SLC35A3: variants seen among roughly 807,000 people sequenced by gnomAD.
SLC35A3 encodes the protein solute carrier family 35 member A3.
A neutral mutation model predicts 39.0 loss-of-function variants in SLC35A3; 26 were observed. The observed-to-expected ratio is 0.67, with a 90% CI of 0.49 to 0.92. The LOEUF is 0.92. Among genes scored for constraint, SLC35A3 ranks in the 40% least tolerant of loss-of-function variants. The pLI, the probability that SLC35A3 is intolerant of heterozygous loss-of-function variation, is 0.00. For missense variants in SLC35A3, 299 were observed against 371.6 expected (o/e 0.80, Z 1.61); for synonymous variants, 135 against 133.1 (o/e 1.01, Z -0.10).
Position 100,026,032 on chromosome 1 carries a change from C to T in SLC35A3, c.*3556C>T, listed in dbSNP as rs1450820271. On this transcript the variant is annotated 3_prime_UTR_variant, in exon 8 of 8. Coordinates refer to ENST00000533028, the MANE Select transcript of SLC35A3 (RefSeq NM_012243.3). ...TAGAGATGCAAAACTTAAATGTTTACATCAATTTATATTGAATGTCACATA... is the reference window on the plus strand; with the variant it reads ...TAGAGATGCAAAACTTAAATGTTTATATCAATTTATATTGAATGTCACATA... 6.6e-6 allele frequency: 1 copy of T among 152,050 alleles called. No individual in the cohort carries two copies. Among genetic ancestry groups the T allele is most frequent in the East Asian group, 1.9e-4 (1 of 5,206 alleles). 9.4% of individuals were successfully genotyped at this position (152,050 alleles called of 1,614,324 possible). A position where few individuals can be genotyped will look rare whatever the true frequency, so the allele number is the denominator to read the frequency against.
At chr1:100,015,555 G>A in intron 6 of SLC35A3, 135 bp downstream of exon 6, 1 of 964,666 alleles carries the variant, frequency 1.0e-6, no homozygotes, top group Admixed American at 3.8e-5. Context: ...GTTTATTCAA[G>A]GAAGTGAAAA....
chr1:100,008,239 C>G (rs1056072738), intron 4 of SLC35A3: 2 of 152,234 alleles, frequency 1.3e-5, no homozygotes, highest in African/African-American at 2.4e-5. Context: ...GCGCGAGCCA[C>G]TGTACCCAGC....
At chr1:99,986,310 A>G (rs1293279157) in intron 1 of SLC35A3, among the ~76,000 whole-genome samples, 10 of 151,950 alleles carry the variant, frequency 6.6e-5, no homozygotes, top group African/African-American at 2.2e-4. Flanking sequence ...GACTACAAGC[A>G]TGCACCACCA....
At chr1:100,003,126 T>G (rs1421295709) in intron 3 of SLC35A3, among the ~76,000 whole-genome samples, 1 of 151,952 alleles carries the variant, frequency 6.6e-6, no homozygotes, top group African/African-American at 2.4e-5. Context: ...TTTTAAGAAA[T>G]TTTTCTAGGC....
chr1:100,034,008 A>G lies in SLC35A3; in HGVS notation c.*11532A>G, dbSNP rs1009047414. 1 of 152,154 alleles carries G rather than the reference A, an allele frequency of 6.6e-6. No homozygotes were observed. Among genetic ancestry groups the G allele is most frequent in the Non-Finnish European group, 1.5e-5 (1 of 68,024 alleles). 9.4% of individuals were successfully genotyped at this position (152,154 alleles called of 1,614,324 possible). A position where few individuals can be genotyped will look rare whatever the true frequency, so the allele number is the denominator to read the frequency against. ...TCTGGAGCCTAGATACTTAAAGTAC[A>G]CCTTGGCCATGTAGAAAATCCTTGA... is the stretch of plus-strand genomic sequence containing the variant. On this transcript the variant is annotated 3_prime_UTR_variant, in exon 8 of 8. Coordinates refer to ENST00000533028, the MANE Select transcript of SLC35A3 (RefSeq NM_012243.3).
chr1:100,004,276 GGC>G (rs772058228), intron 3 of SLC35A3, among the ~76,000 whole-genome samples: 10 of 152,108 alleles, frequency 6.6e-5, no homozygotes, highest in Admixed American at 2.6e-4. Flanking sequence ...GGTAGATACT[GGC>G]TTTCAAGTGC....
chr1:100,035,023 CTGAGA>C lies in SLC35A3; in HGVS notation c.*12549_*12553del, dbSNP rs1661423955. ...GTTGATCCTAACCAAAAAACCCTAA[CTGAGA>C]TATCAGTCTCTTAGCGCAAAGTTTG... On this transcript the variant is annotated 3_prime_UTR_variant, in exon 8 of 8. Transcript: ENST00000533028. 1 of 152,150 alleles carries C rather than the reference CTGAGA, an allele frequency of 6.6e-6. No homozygotes were observed. Among genetic ancestry groups the C allele is most frequent in the Non-Finnish European group, 1.5e-5 (1 of 68,018 alleles). 9.4% of individuals were successfully genotyped at this position (152,150 alleles called of 1,614,324 possible).
chr1:100,002,408 C>G (rs1256605451), intron 3 of SLC35A3, among the ~76,000 whole-genome samples: 2 of 152,118 alleles, frequency 1.3e-5, no homozygotes, highest in Non-Finnish European at 2.9e-5. Context: ...ATAATAGTCT[C>G]TAATGATCCT....
In SLC35A3 at chr1:100,015,208, A is replaced by G. The variant is rs191230445; in HGVS notation, c.635-94A>G. ...TAATCTAATTTTATCAAAAAGAAAA[A>G]GTTAAGTGTAAAATTATTTGGAATG... On this transcript the variant is annotated intron_variant, in intron 5 of 7. Transcript: ENST00000533028. The G allele has an allele frequency of 3.8e-5, 42 of 1,110,018 alleles. 1 individual carries two copies. The highest frequency in any genetic ancestry group is 6.3e-4 in the Middle Eastern group (2 of 3,166). 68.8% of individuals were successfully genotyped at this position (1,110,018 alleles called of 1,614,324 possible).
At position 100,024,793 on chromosome 1, in the gene SLC35A3, A is replaced by G. The variant is rs182210201; in HGVS notation, c.*2317A>G. Reference sequence around the variant, plus strand: ...CCACTGCGCCCGGCCTATACTGTATATATTTTTAAAGACTGTTCTAATAGA... The same window carrying G: ...CCACTGCGCCCGGCCTATACTGTATGTATTTTTAAAGACTGTTCTAATAGA... On this transcript the variant is annotated 3_prime_UTR_variant, in exon 8 of 8. Coordinates refer to ENST00000533028, the MANE Select transcript of SLC35A3 (RefSeq NM_012243.3). 2.5e-6 allele frequency: 1 copy of G among 395,194 alleles called. No individual in the cohort carries two copies. Among genetic ancestry groups the G allele is most frequent in the East Asian group, 3.6e-5 (1 of 27,776 alleles). The allele number at this position is 395,194 out of a possible 1,614,324, so 24.5% of individuals were successfully genotyped here. A position where few individuals can be genotyped will look rare whatever the true frequency, so the allele number is the denominator to read the frequency against.
At chr1:100,017,640 T>C in intron 6 of SLC35A3, 42 bp from the exon 7 acceptor site, 1 of 1,367,222 alleles carries the variant, frequency 7.3e-7, no homozygotes, top group East Asian at 2.7e-5. Context: ...TGAAATGCAG[T>C]TTTACATGTG....
At chr1:100,012,196 A>G (rs946470053) in intron 5 of SLC35A3, among the ~76,000 whole-genome samples, 2 of 152,070 alleles carry the variant, frequency 1.3e-5, no homozygotes, top group Non-Finnish European at 2.9e-5. Context: ...AGGCAGGACA[A>G]TTGCTTGAAC....
intron 3 of SLC35A3, among the ~76,000 whole-genome samples, chr1:100,004,524 A>G (rs933948321): frequency 6.6e-6 from 1 of 150,916 alleles, no homozygotes; most frequent in African/African-American, 2.4e-5. Context: ...CTGGTCTTAA[A>G]CTCCTGAGCT....
chr1:99,974,564 A>T (rs1657003170), intron 1 of SLC35A3, among the ~76,000 whole-genome samples: 1 of 152,160 alleles, frequency 6.6e-6, no homozygotes, highest in South Asian at 2.1e-4. Flanking sequence ...TCCTGGCCTC[A>T]AGCGATCCTC....
chr1:100,019,381 T>C (rs999015552), intron 7 of SLC35A3, among the ~76,000 whole-genome samples: 1 of 149,150 alleles, frequency 6.7e-6, no homozygotes, highest in Non-Finnish European at 1.5e-5. Flanking sequence ...ACTGCCATTA[T>C]TGAATGAATG....
rs779000135 is a variant in SLC35A3 at position 100,031,481 on chromosome 1, T to C, written c.*9005T>C. On this transcript the variant is annotated 3_prime_UTR_variant, in exon 8 of 8. Coordinates refer to ENST00000533028, the MANE Select transcript of SLC35A3 (RefSeq NM_012243.3). ...CACTTCATCTAAGTTCAAATTCAAATACAATTGCCCCTCTGTAAACGTGGG... is the reference window on the plus strand; with the variant it reads ...CACTTCATCTAAGTTCAAATTCAAACACAATTGCCCCTCTGTAAACGTGGG... The C allele has an allele frequency of 1.3e-5, 2 of 152,116 alleles. No individual in the cohort carries two copies. Among genetic ancestry groups the C allele is most frequent in the Non-Finnish European group, 2.9e-5 (2 of 68,020 alleles). 9.4% of individuals were successfully genotyped at this position (152,116 alleles called of 1,614,324 possible). A position where few individuals can be genotyped will look rare whatever the true frequency, so the allele number is the denominator to read the frequency against.
chr1:100,026,446 T>C lies in SLC35A3; in HGVS notation c.*3970T>C, dbSNP rs1660915789. 1 of 152,206 alleles carries C rather than the reference T, an allele frequency of 6.6e-6. No individual in the cohort carries two copies. The highest frequency in any genetic ancestry group is 1.5e-5 in the Non-Finnish European group (1 of 68,012). The allele number at this position is 152,206 out of a possible 1,614,324, so 9.4% of individuals were successfully genotyped here. On this transcript the variant is annotated 3_prime_UTR_variant, in exon 8 of 8. Transcript: ENST00000533028. The stretch of plus-strand genomic sequence containing the variant: ...GCCTTGCTTTACCAAATACCTGATT[T>C]TTCTGGAGGGTGTTCCTGTAATTCA...
In SLC35A3 at chr1:100,023,369, A is replaced by G. The variant is rs1660682617; in HGVS notation, c.*893A>G. 6.6e-6 allele frequency: 1 copy of G among 152,174 alleles called. No homozygotes were observed. The highest frequency in any genetic ancestry group is 2.1e-4 in the South Asian group (1 of 4,836). The allele number at this position is 152,174 out of a possible 1,614,324, so 9.4% of individuals were successfully genotyped here. A position where few individuals can be genotyped will look rare whatever the true frequency, so the allele number is the denominator to read the frequency against. ...TTTAATAATTTAAAATAATTATTGT[A>G]TAATATCTACATTTGGAGAATTTTG... On this transcript the variant is annotated 3_prime_UTR_variant, in exon 8 of 8. Coordinates refer to ENST00000533028, the MANE Select transcript of SLC35A3 (RefSeq NM_012243.3).
chr1:100,020,212 A>G (rs1040472467), intron 7 of SLC35A3, among the ~76,000 whole-genome samples: 24 of 151,736 alleles, frequency 1.6e-4, no homozygotes, highest in African/African-American at 5.8e-4. Flanking sequence ...TTTTTTTCTG[A>G]GACAACTTTC....
Sources: allele counts gnomAD v4.1 joint callset (sites outside exome capture counted in the v4.1 genomes callset), GRCh38; gene constraint gnomAD v4.1.1; transcripts MANE v1.5; gene names NCBI Gene and HGNC (gene_info 2026-07-23, HGNC 2026-07-21).